WDR43: variants seen among roughly 807,000 people sequenced by gnomAD.
WDR43 encodes the protein WD repeat-containing protein 43.
Under a neutral mutation model 91.4 loss-of-function variants are expected in WDR43, and 13 were observed. That is an observed-to-expected ratio of 0.14 (90% CI 0.09 to 0.23). The LOEUF is 0.23. Among genes scored for constraint, WDR43 ranks in the 10% least tolerant of loss-of-function variants. The probability of loss-of-function intolerance (pLI) is 1.00; values close to 1 mark genes in which losing one functional copy is unlikely to be tolerated. For missense variants in WDR43, 780 were observed against 809.4 expected, an observed-to-expected ratio of 0.96 and a Z score of 0.44; for synonymous variants, 331 against 287.9, an observed-to-expected ratio of 1.15 and a Z score of -1.51.
intron 16 of WDR43, among the ~76,000 whole-genome samples, chr2:28,944,925 G>C (rs1264696837): frequency 6.6e-6 from 1 of 152,186 alleles, no homozygotes; most frequent in Non-Finnish European, 1.5e-5. Context: ...TTAAAACTTA[G>C]GGATCCTGGA....
chr2:28,909,121 A>G (rs66692018), intron 3 of WDR43, among the ~76,000 whole-genome samples: 39,131 of 151,870 alleles, frequency 0.26, 6,250 homozygotes, highest in East Asian at 0.77. Context: ...AATGATGATT[A>G]TCCCGAGATT....
At chr2:28,902,305 C>G (rs1413970509) in intron 2 of WDR43, among the ~76,000 whole-genome samples, 181 bp downstream of exon 2, 1 of 152,134 alleles carries the variant, frequency 6.6e-6, no homozygotes, top group Non-Finnish European at 1.5e-5. Context: ...TAGTTAACAG[C>G]AGTCCTTATT....
rs1671570642 is a variant in WDR43, at chr2:28,947,670, T to G, written c.*891T>G. 6.6e-6 allele frequency: 1 copy of G among 151,978 alleles called. No homozygotes were observed. Among genetic ancestry groups the G allele is most frequent in the Non-Finnish European group, 1.5e-5 (1 of 67,988 alleles). The allele number at this position is 151,978 out of a possible 1,614,324, so 9.4% of individuals were successfully genotyped here. On this transcript the variant is annotated 3_prime_UTR_variant, in exon 18 of 18. Transcript: ENST00000407426. ...TTGGTTTTAGATATTAATGATAACC[T>G]TGTTGGAATTTTTTTTCCAAAGAAA...
chr2:28,947,936 A>G lies in WDR43; in HGVS notation c.*1157A>G, dbSNP rs963729855. ...TTAGTGCTCACTAGGGGACATGCAC[A>G]TGGAAGCTCACCTCTAAGAAAGGGC... On this transcript the variant is annotated 3_prime_UTR_variant, in exon 18 of 18. Coordinates refer to ENST00000407426, the MANE Select transcript of WDR43 (RefSeq NM_015131.3). 2.0e-5 allele frequency: 3 copies of G among 146,488 alleles called. No individual in the cohort carries two copies. Among genetic ancestry groups the G allele is most frequent in the East Asian group, 2.0e-4 (1 of 4,978 alleles). The allele number at this position is 146,488 out of a possible 1,614,324, so 9.1% of individuals were successfully genotyped here.
intron 16 of WDR43, among the ~76,000 whole-genome samples, chr2:28,944,756 G>T (rs184734214): frequency 2.7e-4 from 41 of 152,294 alleles, no homozygotes; most frequent in African/African-American, 9.4e-4. Context: ...TAAGCTCCGC[G>T]ATACTGCAAC....
In WDR43 at chr2:28,911,317, G is replaced by A. The variant is rs192300509; in HGVS notation, c.486-1273G>A. Among the ~76,000 whole-genome samples the A allele has an allele frequency of 1.4e-3, 207 of 146,830 alleles. 1 individual carries two copies. The highest frequency in any genetic ancestry group is 2.4e-3 in the Non-Finnish European group (164 of 67,178). On this transcript the variant is annotated intron_variant, in intron 3 of 17. Coordinates refer to ENST00000407426, the MANE Select transcript of WDR43 (RefSeq NM_015131.3). ...TAACCTCTTTTTTTTTTTTTGAGACGGAGTCTTGCTCTGTTGCCCAGGCTG... is the reference window on the plus strand; with the variant it reads ...TAACCTCTTTTTTTTTTTTTGAGACAGAGTCTTGCTCTGTTGCCCAGGCTG...
At chr2:28,946,406 T>C (rs765886330) in intron 16 of WDR43, 44 bp from the exon 17 acceptor site, 1 of 1,575,044 alleles carries the variant, frequency 6.3e-7, no homozygotes, top group East Asian at 2.3e-5. Context: ...CTGTACCCTC[T>C]GTTTTGTTCT....
chr2:28,901,053 C>G (rs1202554845), intron 1 of WDR43, among the ~76,000 whole-genome samples: 1 of 152,040 alleles, frequency 6.6e-6, no homozygotes. Context: ...GTGTGCATGC[C>G]CATGCGTGCT....
At chr2:28,929,306 A>C (rs1671198609) in intron 10 of WDR43, among the ~76,000 whole-genome samples, 1 of 152,090 alleles carries the variant, frequency 6.6e-6, no homozygotes, top group South Asian at 2.1e-4. Context: ...CTGAATCTTC[A>C]TTTAGAAGGA....
intron 7 of WDR43, among the ~76,000 whole-genome samples, chr2:28,924,327 G>T (rs1364911981): frequency 6.6e-6 from 1 of 152,180 alleles, no homozygotes; most frequent in Non-Finnish European, 1.5e-5. Flanking sequence ...GAGATCATTG[G>T]ATGACGGCAG....
Position 28,894,754 on chromosome 2 carries a change from G to A in WDR43, c.56G>A (p.Cys19Tyr). The change falls in exon 1 of 18, where the codon TGC becomes TAC. Residue 19 changes from cysteine (C) to tyrosine (Y), a missense_variant. Cys to Tyr is a radical substitution (Grantham distance 194, BLOSUM62 -2). Coordinates refer to ENST00000407426, the MANE Select transcript of WDR43 (RefSeq NM_015131.3). ...CCCCTGGCCCCTGCTGGGGTCCCTT[G>A]CGCCTTCTCCCCGCACAGCCAGGCC... is the stretch of plus-strand genomic sequence containing the variant. ...CDPLAPAGVPCAFSPHSQAYF... is the reference protein window; with the variant it reads ...CDPLAPAGVPYAFSPHSQAYF... 6.3e-7 allele frequency: 1 copy of A among 1,599,068 alleles called. No individual in the cohort carries two copies. The highest frequency in any genetic ancestry group is 8.5e-7 in the Non-Finnish European group (1 of 1,173,428).
chr2:28,928,497 ACTTTTTAATTTCCCCATGTC>A (rs1310494474), intron 10 of WDR43, among the ~76,000 whole-genome samples: 2 of 152,152 alleles, frequency 1.3e-5, no homozygotes, highest in African/African-American at 4.8e-5. Context: ...CCTAGTTTCA[ACTTTTTAATTTCCCCATGTC>A]CTTTTTAATC....
intron 3 of WDR43, among the ~76,000 whole-genome samples, chr2:28,907,467 A>AG (rs1670704158): frequency 6.9e-6 from 1 of 144,758 alleles, no homozygotes; most frequent in Non-Finnish European, 1.5e-5. Flanking sequence ...AAAAAAAAAA[A>AG]ATTGGGTGTG....
At position 28,937,983 on chromosome 2, in the gene WDR43, T is replaced by C; in HGVS notation, c.1609T>C (p.Tyr537His). 1 of 1,613,832 alleles carries C rather than the reference T, an allele frequency of 6.2e-7. No individual in the cohort carries two copies. The highest frequency in any genetic ancestry group is 8.5e-7 in the Non-Finnish European group (1 of 1,179,804). ...ATGTGTGTTAACAGTTCATGCATCATACCTGTCCACGGTGAGTCTTTTCAG... is the reference window on the plus strand; with the variant it reads ...ATGTGTGTTAACAGTTCATGCATCACACCTGTCCACGGTGAGTCTTTTCAG... ...LKCVLTVHAS[Y>H]LSTLPDLVPQ... The change falls in exon 14 of 18, where the codon TAC becomes CAC. Residue 537 changes from tyrosine to histidine, a missense_variant. By Grantham distance (83) the Tyr-to-His change is moderately conservative. Transcript: ENST00000407426.
At chr2:28,895,400 C>A (rs77109977) in intron 1 of WDR43, 2 of 154,310 alleles carry the variant, frequency 1.3e-5, no homozygotes, top group Non-Finnish European at 2.9e-5. Context: ...CCTCCTGCCC[C>A]CCCTTTGGGT....
At chr2:28,914,659 C>T (rs1043262134) in intron 5 of WDR43, among the ~76,000 whole-genome samples, 4 of 152,080 alleles carry the variant, frequency 2.6e-5, no homozygotes, top group Admixed American at 2.0e-4. Flanking sequence ...GGCCGGGTGC[C>T]GTGGCTCATG....
At chr2:28,896,565 C>G (rs927558086) in intron 1 of WDR43, among the ~76,000 whole-genome samples, 1 of 152,096 alleles carries the variant, frequency 6.6e-6, no homozygotes, top group Non-Finnish European at 1.5e-5. Flanking sequence ...AAAAATGGAA[C>G]CAGGATTAGA....
intron 10 of WDR43, among the ~76,000 whole-genome samples, chr2:28,928,944 G>T (rs1037976094): frequency 9.2e-5 from 14 of 152,024 alleles, no homozygotes; most frequent in African/African-American, 2.9e-4. Context: ...CAGAGTGCTG[G>T]GATTACAGGT....
rs758651922 is a variant in WDR43, at chr2:28,917,941, A to T, written c.795A>T (p.Thr265=). ...AAAAGAGTGCAGTGATGTCATTTAC[A>T]GTTACCGATGAACCTGTCTATATTG... ...NKEKSAVMSF[T]VTDEPVYIDL... is the part of the protein sequence containing the mutation. The change falls in exon 6 of 18, where the codon ACA becomes ACT. Residue 265 remains threonine (T), a synonymous_variant. Transcript: ENST00000407426. 6.3e-7 allele frequency: 1 copy of T among 1,587,740 alleles called. No homozygotes were observed. The highest frequency in any genetic ancestry group is 8.6e-7 in the Non-Finnish European group (1 of 1,166,056).
Sources: allele counts gnomAD v4.1 joint callset (sites outside exome capture counted in the v4.1 genomes callset), GRCh38; gene constraint gnomAD v4.1.1; transcripts MANE v1.5; gene names NCBI Gene and HGNC (gene_info 2026-07-23, HGNC 2026-07-21).